The following COMMD10 variants were observed in gnomAD, a reference collection of about 807,000 sequenced individuals.
COMMD10 encodes COMM domain containing 10, also known as COMM domain-containing protein 10.
A neutral mutation model predicts 28.9 loss-of-function variants in COMMD10; 33 were observed. The ratio of observed to expected loss-of-function variants is 1.14; its 90% CI spans 0.87 to 1.53. The LOEUF (loss-of-function observed/expected upper bound fraction) is 1.53, where lower values mean the gene tolerates loss of function less well. Among genes scored for constraint, COMMD10 ranks in the 40% most tolerant of loss-of-function variants. COMMD10 has a pLI of 0.00. For synonymous variants in COMMD10, 110 were observed against 81.7 expected, an observed-to-expected ratio of 1.35 and a Z score of -1.87; for missense variants, 310 against 233.4, an observed-to-expected ratio of 1.33 and a Z score of -2.14.
intron 2 of COMMD10, among the ~76,000 whole-genome samples, chr5:116,089,660 T>C (rs1750233763): frequency 6.6e-6 from 1 of 152,178 alleles, no homozygotes; most frequent in Admixed American, 6.5e-5. Context: ...ATGGAGGAGC[T>C]TGAATGCTTT....
At chr5:116,258,896 T>G (rs952490778) in intron 5 of COMMD10, among the ~76,000 whole-genome samples, 2 of 151,660 alleles carry the variant, frequency 1.3e-5, no homozygotes, top group Non-Finnish European at 2.9e-5. Flanking sequence ...CTGTGATTGC[T>G]TTTTCTACTC....
At chr5:116,217,728 G>A (rs1343026010) in intron 5 of COMMD10, among the ~76,000 whole-genome samples, 1 of 152,106 alleles carries the variant, frequency 6.6e-6, no homozygotes, top group South Asian at 2.1e-4. Flanking sequence ...CAAGGCTTTT[G>A]TGCCAAGGTG....
In COMMD10 at chr5:116,165,632, GCA is replaced by G. The variant is rs201118811; in HGVS notation, c.510+31462_510+31463del. Among the ~76,000 whole-genome samples the G allele has an allele frequency of 4.1e-3, 628 of 152,034 alleles. 5 individuals are homozygous for G. Among genetic ancestry groups the G allele is most frequent in the Non-Finnish European group, 6.1e-3 (412 of 67,970 alleles). On this transcript the variant is annotated intron_variant, in intron 5 of 6. Coordinates refer to ENST00000274458, the MANE Select transcript of COMMD10 (RefSeq NM_016144.4). ...GGTGTATCTGTGTGTGTGTTTGTGC[GCA>G]CACACACGCGTGTGCACAGGGCTGG... is the stretch of plus-strand genomic sequence containing the variant.
chr5:116,132,060 A>G (rs1751879625), intron 4 of COMMD10, among the ~76,000 whole-genome samples: 1 of 151,994 alleles, frequency 6.6e-6, no homozygotes, highest in African/African-American at 2.4e-5. Context: ...AAGTGGGATG[A>G]TGGGACGAGG....
intron 5 of COMMD10, among the ~76,000 whole-genome samples, chr5:116,197,705 C>G (rs971673720): frequency 1.3e-5 from 2 of 151,988 alleles, no homozygotes; most frequent in African/African-American, 2.4e-5. Flanking sequence ...GTCTTTGAAA[C>G]AGAAAATTCA....
chr5:116,108,763 A>G (rs1000166286), intron 4 of COMMD10, among the ~76,000 whole-genome samples: 2 of 152,058 alleles, frequency 1.3e-5, no homozygotes, highest in Admixed American at 6.6e-5. Flanking sequence ...TCCTGCAGCT[A>G]GCCTGGTGTC....
intron 6 of COMMD10, among the ~76,000 whole-genome samples, 172 bp downstream of exon 6, chr5:116,291,748 T>TC (rs778243627): frequency 0.052 from 7,943 of 152,062 alleles, 287 homozygotes; most frequent in East Asian, 0.14. Context: ...TGAAGAGAAT[T>TC]TGAAAAACTA....
At chr5:116,268,270 T>C (rs9764199) in intron 5 of COMMD10, among the ~76,000 whole-genome samples, 148,129 of 151,500 alleles carry the variant, frequency 0.98, 72,571 homozygotes, top group East Asian at 1. Context: ...ATCAAACAAC[T>C]CCATCAAAAA....
intron 5 of COMMD10, among the ~76,000 whole-genome samples, chr5:116,211,616 G>T (rs569950718): frequency 6.6e-6 from 1 of 152,014 alleles, no homozygotes; most frequent in Non-Finnish European, 1.5e-5. Flanking sequence ...CATTAATATG[G>T]ATTTGTATAA....
intron 5 of COMMD10, among the ~76,000 whole-genome samples, chr5:116,140,099 C>G (rs575978989): frequency 6.6e-6 from 1 of 151,508 alleles, no homozygotes; most frequent in South Asian, 2.1e-4. Context: ...TAAAAAATTC[C>G]ACATATAAGT....
intron 5 of COMMD10, among the ~76,000 whole-genome samples, chr5:116,257,959 A>G (rs915899369): frequency 2.0e-5 from 3 of 151,738 alleles, no homozygotes; most frequent in African/African-American, 7.3e-5. Flanking sequence ...GCGATATAGA[A>G]TGTTCAAGGC....
intron 4 of COMMD10, among the ~76,000 whole-genome samples, chr5:116,109,504 G>C (rs573006908): frequency 6.6e-6 from 1 of 152,182 alleles, no homozygotes; most frequent in Admixed American, 6.5e-5. Flanking sequence ...TGAGGCCTGA[G>C]AATTGCTTGA....
intron 5 of COMMD10, among the ~76,000 whole-genome samples, chr5:116,224,263 C>G (rs74496525): frequency 4.1e-4 from 63 of 152,258 alleles, no homozygotes; most frequent in African/African-American, 1.5e-3. Flanking sequence ...TCGTTTATTC[C>G]TGTTCACTAG....
At chr5:116,201,342 G>A (rs10068730) in intron 5 of COMMD10, among the ~76,000 whole-genome samples, 48,715 of 152,040 alleles carry the variant, frequency 0.32, 11,012 homozygotes, top group African/African-American at 0.65. Flanking sequence ...AGTTTCTGGA[G>A]GTTAAACTCA....
At chr5:116,273,841 G>C (rs1750824377) in intron 5 of COMMD10, among the ~76,000 whole-genome samples, 1 of 151,544 alleles carries the variant, frequency 6.6e-6, no homozygotes, top group Non-Finnish European at 1.5e-5. Context: ...TGGAACTAAA[G>C]TCATCATTCA....
At chr5:116,188,105 A>G (rs1458182330) in intron 5 of COMMD10, among the ~76,000 whole-genome samples, 1 of 152,308 alleles carries the variant, frequency 6.6e-6, no homozygotes, top group East Asian at 1.9e-4. Flanking sequence ...ACTAACCTAG[A>G]TGAACATTGG....
At chr5:116,246,151 TGA>T (rs1237366027) in intron 5 of COMMD10, among the ~76,000 whole-genome samples, 6 of 152,066 alleles carry the variant, frequency 3.9e-5, no homozygotes, top group African/African-American at 1.4e-4. Context: ...GAATACAACA[TGA>T]GTGTGCAAAA....
At chr5:116,155,723 A>G (rs547892709) in intron 5 of COMMD10, among the ~76,000 whole-genome samples, 16 of 152,146 alleles carry the variant, frequency 1.1e-4, no homozygotes, top group African/African-American at 3.9e-4. Context: ...CTTTCAGCCA[A>G]ATTATTTTAA....
chr5:116,086,831 AGCCAGCGCTGTG>A (rs1424496351), intron 1 of COMMD10, among the ~76,000 whole-genome samples: 1 of 152,094 alleles, frequency 6.6e-6, no homozygotes, highest in East Asian at 1.9e-4. Context: ...TACAAAAATT[AGCCAGCGCTGTG>A]GCCCGCGCAT....
Sources: allele counts gnomAD v4.1 joint callset (sites outside exome capture counted in the v4.1 genomes callset), GRCh38; gene constraint gnomAD v4.1.1; transcripts MANE v1.5; gene names NCBI Gene and HGNC (gene_info 2026-07-23, HGNC 2026-07-21).